The following PLEKHA7 variants were observed in gnomAD, a reference collection of about 807,000 sequenced individuals.
The protein encoded by PLEKHA7 is pleckstrin homology domain containing A7.
In PLEKHA7, 104 loss-of-function variants were observed where a neutral mutation model predicts 170.0. The ratio of observed to expected loss-of-function variants is 0.61; its 90% CI spans 0.52 to 0.72. The LOEUF (loss-of-function observed/expected upper bound fraction) is 0.72. Ranked by LOEUF, PLEKHA7 falls within the 30% of genes least tolerant of loss-of-function variation. The pLI, the probability that PLEKHA7 is intolerant of heterozygous loss-of-function variation, is 0.00. For missense variants in PLEKHA7, 1,615 were observed against 1,671.7 expected, an observed-to-expected ratio of 0.97 and a Z score of 0.59; for synonymous variants, 648 against 660.8, an observed-to-expected ratio of 0.98 and a Z score of 0.30.
At position 16,855,813 on chromosome 11, in the gene PLEKHA7, G is replaced by T. The variant is rs370180285; in HGVS notation, c.407C>A (p.Pro136His). 1.2e-6 allele frequency: 2 copies of T among 1,611,148 alleles called. No homozygotes were observed. Among genetic ancestry groups the T allele is most frequent in the Non-Finnish European group, 1.7e-6 (2 of 1,177,606 alleles). ...AGTASTLEAK[P>H]GPKIIKSSSK... Reference sequence around the variant, plus strand: ...TGGCCAGGAGCTCACCTTGGGTCCAGGCTTGGCCTCCAGGGTGGAGGCGGT... The same window carrying T: ...TGGCCAGGAGCTCACCTTGGGTCCATGCTTGGCCTCCAGGGTGGAGGCGGT... Residue 136 changes from proline to histidine, a missense_variant, in exon 5 of 27, where the codon CCT becomes CAT. By Grantham distance (77) the Pro-to-His change is moderately conservative (BLOSUM62 -2). Transcript: ENST00000531066.
intron 8 of PLEKHA7, among the ~76,000 whole-genome samples, chr11:16,847,982 T>C (rs1852597559): frequency 6.6e-6 from 1 of 152,066 alleles, no homozygotes; most frequent in Non-Finnish European, 1.5e-5. Flanking sequence ...GCAGAGGAGT[T>C]CCAAGGCTGA....
intron 4 of PLEKHA7, among the ~76,000 whole-genome samples, 156 bp from the exon 5 acceptor site, chr11:16,856,070 C>T (rs1853425476): frequency 6.6e-6 from 1 of 152,172 alleles, no homozygotes; most frequent in Non-Finnish European, 1.5e-5. Flanking sequence ...AGCCAGAAGG[C>T]CGCAATGTCC....
At chr11:16,888,905 TAAAA>T (rs58570999) in intron 3 of PLEKHA7, among the ~76,000 whole-genome samples, 4 of 129,616 alleles carry the variant, frequency 3.1e-5, no homozygotes, top group South Asian at 4.9e-4. Context: ...AGGGGGAAGA[TAAAA>T]AAAAAAAAGA....
At chr11:16,916,280 T>G (rs1398805589) in intron 3 of PLEKHA7, among the ~76,000 whole-genome samples, 1 of 152,186 alleles carries the variant, frequency 6.6e-6, no homozygotes, top group Non-Finnish European at 1.5e-5. Context: ...ATGAGTAGGT[T>G]GCGAAAATTT....
At chr11:16,814,027 G>A (rs539762812) in intron 12 of PLEKHA7, among the ~76,000 whole-genome samples, 8 of 152,306 alleles carry the variant, frequency 5.3e-5, no homozygotes, top group African/African-American at 7.2e-5. Flanking sequence ...AGCTAGGGCC[G>A]AGGCAGGTGG....
At chr11:16,835,070 G>A (rs1851409414) in intron 9 of PLEKHA7, among the ~76,000 whole-genome samples, 1 of 152,138 alleles carries the variant, frequency 6.6e-6, no homozygotes, top group African/African-American at 2.4e-5. Flanking sequence ...AGGAGTTCGA[G>A]GCCAGCCTGG....
chr11:16,864,350 AAAT>A (rs907419744), intron 4 of PLEKHA7, among the ~76,000 whole-genome samples: 4 of 152,218 alleles, frequency 2.6e-5, no homozygotes, highest in African/African-American at 9.7e-5. Flanking sequence ...TTAGCTATAA[AAAT>A]AATAATAATA....
chr11:16,874,015 CA>C (rs1202013531), intron 3 of PLEKHA7, among the ~76,000 whole-genome samples: 4 of 152,168 alleles, frequency 2.6e-5, no homozygotes, highest in Non-Finnish European at 4.4e-5. Context: ...TCTGAAAATG[CA>C]AACTTTAAAT....
In PLEKHA7 at chr11:16,978,576, A is replaced by G. The variant is rs1365242086; in HGVS notation, c.221+35413T>C. Among the ~76,000 whole-genome samples the G allele has an allele frequency of 2.0e-5, 3 of 152,224 alleles. No individual in the cohort carries two copies. In the South Asian group the frequency reaches 6.2e-4, roughly 31 times the overall value. On this transcript the variant is annotated intron_variant, in intron 3 of 26. Transcript: ENST00000531066. ...TATCTTGCTGTATTTAGAAAAACAG[A>G]TCTGCAGCATCATTTAATAGTTGGA...
intron 4 of PLEKHA7, among the ~76,000 whole-genome samples, chr11:16,856,386 C>T (rs185258899): frequency 1.1e-4 from 17 of 152,352 alleles, no homozygotes; most frequent in African/African-American, 4.1e-4. Flanking sequence ...CCCAGCTACA[C>T]ACAGAGAATC....
intron 24 of PLEKHA7, 146 bp downstream of exon 24, chr11:16,786,083 A>G: frequency 3.2e-6 from 3 of 934,296 alleles, no homozygotes; most frequent in Non-Finnish European, 4.6e-6. Context: ...CATTGCCTTA[A>G]GCTGCTATCC....
At chr11:16,917,885 T>C (rs76567540) in intron 3 of PLEKHA7, among the ~76,000 whole-genome samples, 2,849 of 152,306 alleles carry the variant, frequency 0.019, 35 homozygotes, top group African/African-American at 0.032. Flanking sequence ...CACTAAGAAG[T>C]TGAACCTTCT....
chr11:16,888,803 C>A (rs1265907023), intron 3 of PLEKHA7, among the ~76,000 whole-genome samples: 1 of 151,624 alleles, frequency 6.6e-6, no homozygotes, highest in Non-Finnish European at 1.5e-5. Context: ...TATGACCCTG[C>A]CAAATCCCCC....
chr11:16,811,592 T>C (rs1849376942), intron 13 of PLEKHA7, among the ~76,000 whole-genome samples: 1 of 152,190 alleles, frequency 6.6e-6, no homozygotes, highest in Non-Finnish European at 1.5e-5. Flanking sequence ...ATTTGGTCCA[T>C]ACAGCTATGC....
intron 3 of PLEKHA7, among the ~76,000 whole-genome samples, chr11:16,907,063 G>C (rs1257301503): frequency 2.8e-5 from 4 of 145,014 alleles, no homozygotes; most frequent in Admixed American, 6.7e-5. Context: ...CACTCCGTCT[G>C]GGAAGCGAGG....
intron 3 of PLEKHA7, among the ~76,000 whole-genome samples, chr11:16,977,357 C>T (rs1165430313): frequency 6.6e-6 from 1 of 152,142 alleles, no homozygotes; most frequent in Non-Finnish European, 1.5e-5. Context: ...CCAGACCTTC[C>T]ACTGTTACAC....
intron 19 of PLEKHA7, among the ~76,000 whole-genome samples, chr11:16,793,972 G>A (rs16933447): frequency 0.02 from 3,110 of 152,302 alleles, 97 homozygotes; most frequent in African/African-American, 0.07. Context: ...TCTGTGGAAT[G>A]GGGATACTGC....
At chr11:16,864,662 G>A (rs552452364) in intron 4 of PLEKHA7, among the ~76,000 whole-genome samples, 4 of 152,254 alleles carry the variant, frequency 2.6e-5, no homozygotes, top group African/African-American at 9.6e-5. Context: ...GCTTTATAAA[G>A]GGGAGTTCCC....
At chr11:17,007,722 C>A (rs1865094042) in intron 3 of PLEKHA7, among the ~76,000 whole-genome samples, 3 of 151,948 alleles carry the variant, frequency 2.0e-5, no homozygotes. Flanking sequence ...TATGGCCATG[C>A]ACCATCACAC....
Sources: allele counts gnomAD v4.1 joint callset (sites outside exome capture counted in the v4.1 genomes callset), GRCh38; gene constraint gnomAD v4.1.1; transcripts MANE v1.5; gene names NCBI Gene and HGNC (gene_info 2026-07-23, HGNC 2026-07-21).